The following RBFOX1 variants were observed in gnomAD, a reference collection of about 807,000 sequenced individuals.
The protein encoded by RBFOX1 is RNA binding fox-1 homolog 1, also known as RNA binding protein fox-1 homolog 1.
RBFOX1 carries 8 observed loss-of-function variants against 57.7 expected under a neutral mutation model. That is an observed-to-expected ratio of 0.14 (90% CI 0.08 to 0.25). The LOEUF is 0.25. Among genes scored for constraint, RBFOX1 ranks in the 10% least tolerant of loss-of-function variants. The pLI, the probability that RBFOX1 is intolerant of heterozygous loss-of-function variation, is 1.00. For synonymous variants in RBFOX1, 326 were observed against 222.4 expected (o/e 1.47, Z -4.15); for missense variants, 611 against 548.5 (o/e 1.11, Z -1.14).
intron 3 of RBFOX1, among the ~76,000 whole-genome samples, chr16:6,972,082 A>AT (rs889865157): frequency 2.0e-5 from 3 of 152,244 alleles, no homozygotes; most frequent in Admixed American, 6.5e-5. Context: ...ATATTACAGC[A>AT]TTTTTTTCCC....
At position 7,513,665 on chromosome 16, in the gene RBFOX1, G is replaced by A. The variant is rs879651793; in HGVS notation, c.28-4482G>A. On this transcript the variant is annotated intron_variant, in intron 4 of 15. Transcript: ENST00000550418. ...CAGTCATTGCCTAATGTCCTGTGGG[G>A]AGCAATCACACCTCTGTAAGAACTA... Among the ~76,000 whole-genome samples the A allele has an allele frequency of 5.3e-5, 8 of 152,084 alleles. No individual in the cohort carries two copies. The East Asian group carries it at 1.3e-3, about 26-fold the overall frequency.
chr16:6,205,863 C>CT (rs34261182), intron 1 of RBFOX1, among the ~76,000 whole-genome samples: 6,998 of 97,852 alleles, frequency 0.072, 760 homozygotes, highest in African/African-American at 0.15. Context: ...CGAGATCATA[C>CT]TTTTTTTTTT....
At chr16:7,294,888 A>C (rs146977936) in intron 4 of RBFOX1, among the ~76,000 whole-genome samples, 12 of 152,324 alleles carry the variant, frequency 7.9e-5, no homozygotes, top group Admixed American at 2.6e-4. Context: ...TCAACAGACC[A>C]GAAAACCCTG....
intron 3 of RBFOX1, among the ~76,000 whole-genome samples, chr16:6,829,815 T>C (rs978511302): frequency 6.6e-6 from 1 of 152,210 alleles, no homozygotes; most frequent in Non-Finnish European, 1.5e-5. Flanking sequence ...TTGGCCAGGC[T>C]GGTATCGAAT....
intron 1 of RBFOX1, among the ~76,000 whole-genome samples, chr16:5,242,925 C>T (rs1276930061): frequency 2.7e-5 from 4 of 150,510 alleles, no homozygotes; most frequent in African/African-American, 9.8e-5. Flanking sequence ...AAATCGGGCC[C>T]CCAGGAGCCC....
chr16:7,709,090 C>T lies in RBFOX1; in HGVS notation c.1030C>T (p.His344Tyr), dbSNP rs765011718. 6.2e-7 allele frequency: 1 copy of T among 1,613,596 alleles called. No homozygotes were observed. Among genetic ancestry groups the T allele is most frequent in the East Asian group, 2.2e-5 (1 of 44,832 alleles). The change falls in exon 15 of 16, where the codon CAC becomes TAC. Residue 344 changes from histidine (H) to tyrosine (Y), a missense_variant. His to Tyr is a moderately conservative substitution (Grantham distance 83, BLOSUM62 2). This residue lies in a region of RBFOX1 where 267 missense variants were observed against 229.1 expected (regional missense o/e 1.17). Coordinates refer to ENST00000550418, the MANE Select transcript of RBFOX1 (RefSeq NM_018723.4). ...GRVYAADPYHHALAPAPTYGV... is the reference protein window; with the variant it reads ...GRVYAADPYHYALAPAPTYGV... ...AGTTTATGCTGCCGACCCCTACCAC[C>T]ACGCACTTGCTCCAGCCCCCACCTA...
intron 2 of RBFOX1, among the ~76,000 whole-genome samples, chr16:5,482,489 C>T (rs1234330078): frequency 6.6e-6 from 1 of 152,200 alleles, no homozygotes; most frequent in African/African-American, 2.4e-5. Flanking sequence ...CTGCCTGGTG[C>T]AGAAGTCAGC....
At chr16:6,889,794 T>C (rs1381850830) in intron 3 of RBFOX1, among the ~76,000 whole-genome samples, 2 of 152,218 alleles carry the variant, frequency 1.3e-5, no homozygotes, top group Non-Finnish European at 2.9e-5. Flanking sequence ...GGGTGAGATT[T>C]TAGGAGTTCT....
intron 4 of RBFOX1, among the ~76,000 whole-genome samples, chr16:5,990,163 T>A (rs573554085): frequency 2.6e-5 from 4 of 152,128 alleles, no homozygotes; most frequent in Non-Finnish European, 5.9e-5. Context: ...TTTTTTACCT[T>A]TTTTTGTGGA....
At chr16:7,318,041 G>T (rs1488167573) in intron 4 of RBFOX1, among the ~76,000 whole-genome samples, 1 of 151,962 alleles carries the variant, frequency 6.6e-6, no homozygotes, top group Non-Finnish European at 1.5e-5. Flanking sequence ...TGAAAATGGT[G>T]GTGGTGGTGA....
chr16:5,258,622 A>G (rs555456331), intron 1 of RBFOX1, among the ~76,000 whole-genome samples: 14 of 152,318 alleles, frequency 9.2e-5, no homozygotes, highest in African/African-American at 3.4e-4. Flanking sequence ...TTGTGGCTTT[A>G]CTTGAAAGTC....
intron 4 of RBFOX1, among the ~76,000 whole-genome samples, chr16:7,375,854 A>T (rs1018262997): frequency 6.6e-6 from 1 of 152,166 alleles, no homozygotes; most frequent in Non-Finnish European, 1.5e-5. Flanking sequence ...ATTTGGTACT[A>T]CTTGGGAAAA....
At chr16:7,004,981 C>A (rs368161480) in intron 3 of RBFOX1, among the ~76,000 whole-genome samples, 3 of 152,034 alleles carry the variant, frequency 2.0e-5, no homozygotes, top group East Asian at 1.9e-4. Context: ...CCATTTCTAC[C>A]AAAAATACAA....
In RBFOX1 at chr16:5,892,871, A is replaced by C. The variant is rs772751978; in HGVS notation, c.351+25536A>C. Among the ~76,000 whole-genome samples, 5 of 152,292 alleles carry C rather than the reference A, an allele frequency of 3.3e-5. No homozygotes were observed. In the South Asian group the frequency reaches 8.3e-4, roughly 25 times the overall value. On this transcript the variant is annotated intron_variant, in intron 4 of 19. Coordinates refer to the RBFOX1 transcript ENST00000641259. ...TGTGAGATTCAGCACCCCAGGTGCC[A>C]TGAGAGGGGGTTGCAGATGTCAACA...
chr16:6,264,682 G>C, intron 1 of RBFOX1, among the ~76,000 whole-genome samples: 1 of 152,140 alleles, frequency 6.6e-6, no homozygotes, highest in Non-Finnish European at 1.5e-5. Context: ...CGGATCACTG[G>C]ATAGAAGCCA....
downstream of RBFOX1, among the ~76,000 whole-genome samples, chr16:5,600,479 C>G (rs9939754): frequency 0.044 from 5,489 of 125,776 alleles, 373 homozygotes; most frequent in African/African-American, 0.16. Flanking sequence ...AGAGTAAGAG[C>G]CTGTCTCAAA....
intron 3 of RBFOX1, among the ~76,000 whole-genome samples, chr16:6,779,640 C>G (rs2080008900): frequency 7.0e-6 from 1 of 143,842 alleles, no homozygotes; most frequent in African/African-American, 2.6e-5. Flanking sequence ...CAATAGTATA[C>G]AAGGGTTCCC....
At chr16:5,370,032 T>C (rs1359159275) in intron 1 of RBFOX1, among the ~76,000 whole-genome samples, 3 of 152,138 alleles carry the variant, frequency 2.0e-5, no homozygotes, top group African/African-American at 7.2e-5. Flanking sequence ...CTTGTCTGCA[T>C]CTATTCCATG....
In RBFOX1 at chr16:6,937,107, T is replaced by C. The variant is rs1301456452; in HGVS notation, c.-15-114950T>C. On this transcript the variant is annotated intron_variant, in intron 3 of 15. Coordinates refer to ENST00000550418, the MANE Select transcript of RBFOX1 (RefSeq NM_018723.4). ...TAAAGTATGATAATAAAAAAATAAA[T>C]AAAAAAAGATCCATCAGCCAGTAAT... 1.2e-4 allele frequency among the ~76,000 whole-genome samples: 18 copies of C among 151,860 alleles called. No individual in the cohort carries two copies. The East Asian group carries it at 3.3e-3, about 28-fold the overall frequency.
Sources: gnomAD v4.1 joint callset for allele counts (sites outside exome capture counted in the v4.1 genomes callset) on GRCh38, gnomAD v4.1.1 for gene constraint, gnomAD v4.1.1 regional missense constraint, MANE v1.5 for transcripts, NCBI Gene and HGNC (gene_info 2026-07-23, HGNC 2026-07-21) for gene names.